The following CSMD1 variants were observed in gnomAD, a reference collection of about 807,000 sequenced individuals.
CSMD1 encodes CUB and Sushi multiple domains 1.
CSMD1 carries 213 observed loss-of-function variants against 417.5 expected under a neutral mutation model. That is an observed-to-expected ratio of 0.51 (90% CI 0.46 to 0.57). CSMD1 has a LOEUF of 0.57. CSMD1 is among the 20% of genes least tolerant of loss of function. The pLI, the probability that CSMD1 is intolerant of heterozygous loss-of-function variation, is 0.00. For synonymous variants in CSMD1, 2,862 were observed against 1,736.8 expected (o/e 1.65, Z -16.11); for missense variants, 6,923 against 4,529.7 (o/e 1.53, Z -15.17).
chr8:4,916,719 T>C (rs778588314), intron 1 of CSMD1, among the ~76,000 whole-genome samples: 9 of 152,216 alleles, frequency 5.9e-5, no homozygotes, highest in African/African-American at 9.6e-5. Context: ...ACCATAACTA[T>C]TGTGATATCG....
intron 54 of CSMD1, among the ~76,000 whole-genome samples, chr8:2,985,245 C>T (rs866161599): frequency 2.0e-5 from 3 of 152,234 alleles, no homozygotes; most frequent in African/African-American, 7.2e-5. Context: ...CCTGTGGCCC[C>T]ATCATGCCTG....
intron 10 of CSMD1, among the ~76,000 whole-genome samples, chr8:3,568,561 G>C (rs1433603837): frequency 6.6e-6 from 1 of 152,052 alleles, no homozygotes; most frequent in Non-Finnish European, 1.5e-5. Context: ...CTGAAATTAT[G>C]TCACCACAGA....
intron 4 of CSMD1, among the ~76,000 whole-genome samples, chr8:4,025,896 T>C (rs959198983): frequency 9.9e-5 from 15 of 152,074 alleles, no homozygotes; most frequent in African/African-American, 3.6e-4. Flanking sequence ...ATATAATACA[T>C]TTAGGTGTCA....
At chr8:4,791,711 C>A (rs2117236325) in intron 1 of CSMD1, among the ~76,000 whole-genome samples, 1 of 152,240 alleles carries the variant, frequency 6.6e-6, no homozygotes, top group South Asian at 2.1e-4. Flanking sequence ...ATTGTGCAAG[C>A]CAATAGTTCA....
intron 3 of CSMD1, among the ~76,000 whole-genome samples, chr8:4,098,201 A>G (rs747433870): frequency 6.6e-6 from 1 of 152,240 alleles, no homozygotes; most frequent in Non-Finnish European, 1.5e-5. Flanking sequence ...TTTCAACACA[A>G]TTCTATACAC....
chr8:3,781,169 G>C (rs1799158854), intron 5 of CSMD1, among the ~76,000 whole-genome samples: 1 of 152,186 alleles, frequency 6.6e-6, no homozygotes, highest in East Asian at 1.9e-4. Context: ...GACAAAGATT[G>C]GTGATTATTT....
intron 36 of CSMD1, among the ~76,000 whole-genome samples, chr8:3,184,640 G>C (rs769453251): frequency 2.6e-5 from 4 of 152,122 alleles, no homozygotes; most frequent in Non-Finnish European, 5.9e-5. Context: ...CTATACATGG[G>C]CATACGACGT....
intron 36 of CSMD1, among the ~76,000 whole-genome samples, chr8:3,185,051 G>A (rs1447980614): frequency 1.3e-5 from 2 of 152,100 alleles, no homozygotes; most frequent in Non-Finnish European, 2.9e-5. Flanking sequence ...AGTTCCGTGA[G>A]GTACTCTAGG....
At position 3,219,376 on chromosome 8, in the gene CSMD1, G is replaced by A. The variant is rs753402279; in HGVS notation, c.4551C>T (p.Leu1517=). The A allele has an allele frequency of 1.5e-5, 24 of 1,569,452 alleles. No homozygotes were observed. The highest frequency in any genetic ancestry group is 1.9e-5 in the Non-Finnish European group (22 of 1,156,736). The stretch of plus-strand genomic sequence containing the variant: ...CCTGAGAGCCCTGGTAACTCCCAAT[G>A]AGGGGGCTGTTGGAATCTTCCCCTT... ...IYEGEDSNSP[L]IGSYQGSQAP... Residue 1517 remains leucine, a synonymous_variant, in exon 29 of 70, where the codon CTC becomes CTT. Coordinates refer to ENST00000635120, the MANE Select transcript of CSMD1 (RefSeq NM_033225.6).
At chr8:4,791,088 G>GAGACGGTGAGAC in intron 1 of CSMD1, among the ~76,000 whole-genome samples, 1 of 146,998 alleles carries the variant, frequency 6.8e-6, no homozygotes, top group South Asian at 2.1e-4. Context: ...GACGGTGAGA[G>GAGACGGTGAGAC]AGACGGTGAG....
chr8:4,231,747 TA>T (rs1273028475), intron 3 of CSMD1, among the ~76,000 whole-genome samples: 1 of 152,048 alleles, frequency 6.6e-6, no homozygotes, highest in Admixed American at 6.6e-5. Context: ...ATGGAAAAAG[TA>T]AATAACACTG....
chr8:3,450,787 G>T (rs10089656), intron 12 of CSMD1, among the ~76,000 whole-genome samples: 2 of 151,492 alleles, frequency 1.3e-5, no homozygotes, highest in Non-Finnish European at 2.9e-5. Flanking sequence ...GTGTGCATGT[G>T]TCTTTATAGC....
At chr8:4,782,386 T>C (rs7842957) in intron 1 of CSMD1, among the ~76,000 whole-genome samples, 3 of 152,196 alleles carry the variant, frequency 2.0e-5, no homozygotes, top group Non-Finnish European at 1.5e-5. Context: ...ACAATTATTA[T>C]GTAGGTCAAT....
chr8:3,933,711 AAAATTACGTTC>A (rs1219206104), intron 5 of CSMD1, among the ~76,000 whole-genome samples: 4 of 152,340 alleles, frequency 2.6e-5, no homozygotes, highest in Admixed American at 2.0e-4. Flanking sequence ...TTTTGTATGC[AAAATTACGTTC>A]AAAAATCCTA....
intron 5 of CSMD1, among the ~76,000 whole-genome samples, chr8:3,845,208 G>C (rs1803417561): frequency 6.6e-6 from 1 of 152,190 alleles, no homozygotes; most frequent in Admixed American, 6.5e-5. Flanking sequence ...GTGCAACTAT[G>C]CATCTCCTAA....
chr8:4,962,960 C>A (rs1257091551), intron 1 of CSMD1, among the ~76,000 whole-genome samples: 1 of 152,066 alleles, frequency 6.6e-6, no homozygotes, highest in Non-Finnish European at 1.5e-5. Context: ...TGGGTTGGCG[C>A]TGGGAAAAGG....
chr8:4,803,721 A>G (rs1015444712), intron 1 of CSMD1, among the ~76,000 whole-genome samples: 2 of 152,232 alleles, frequency 1.3e-5, no homozygotes, highest in Admixed American at 1.3e-4. Context: ...TGTCTATTCT[A>G]GTAACCTTTT....
At chr8:3,188,596 T>C (rs930046308) in intron 35 of CSMD1, among the ~76,000 whole-genome samples, 1 of 152,092 alleles carries the variant, frequency 6.6e-6, no homozygotes, top group African/African-American at 2.4e-5. Context: ...CATGAGCCAA[T>C]GCACACGGCT....
chr8:3,394,032 A>T (rs1259539310), intron 17 of CSMD1, among the ~76,000 whole-genome samples: 8,754 of 90,850 alleles, frequency 0.096, 767 homozygotes, highest in East Asian at 0.14. Flanking sequence ...ATATATATAT[A>T]TATATATATA....
Sources: gnomAD v4.1 joint callset for allele counts (sites outside exome capture counted in the v4.1 genomes callset) on GRCh38, gnomAD v4.1.1 for gene constraint, MANE v1.5 for transcripts, NCBI Gene and HGNC (gene_info 2026-07-23, HGNC 2026-07-21) for gene names.